The following RNF31 variants were observed in gnomAD, a reference collection of about 807,000 sequenced individuals.
RNF31 encodes E3 ubiquitin-protein ligase RNF31.
Under a neutral mutation model 133.6 loss-of-function variants are expected in RNF31, and 38 were observed. The observed-to-expected ratio is 0.28, with a 90% CI of 0.22 to 0.37. The LOEUF is 0.37. RNF31 is among the 10% of genes least tolerant of loss of function. The pLI is 1.00. For synonymous variants in RNF31, 582 were observed against 552.3 expected, an observed-to-expected ratio of 1.05 and a Z score of -0.75; for missense variants, 1,118 against 1,394.1, an observed-to-expected ratio of 0.80 and a Z score of 3.15.
At chr14:24,157,175 G>A in intron 14 of RNF31, 115 bp from the exon 15 acceptor site, 1 of 666,144 alleles carries the variant, frequency 1.5e-6, no homozygotes, top group Non-Finnish European at 2.6e-6. Context: ...GCAAATGGTA[G>A]GTGGCAGTGA....
At chr14:24,149,859 A>G (rs1263258290) in intron 6 of RNF31, among the ~76,000 whole-genome samples, 1 of 152,026 alleles carries the variant, frequency 6.6e-6, no homozygotes, top group East Asian at 1.9e-4. Context: ...GCCATGTGTT[A>G]GCAGTATCTA....
Position 24,160,112 on chromosome 14 carries a change from G to A in RNF31, c.2997-127G>A. On this transcript the variant is annotated intron_variant, in intron 19 of 20. Coordinates refer to ENST00000324103, the MANE Select transcript of RNF31 (RefSeq NM_017999.5). The surrounding 1 kb of genome is among the most constrained non-coding windows in gnomAD (Gnocchi z 4.0). ...TGGGCAAGGGCATGGGTAGATAGTAGCAGGCAGTGTGGGCACAGGTGGGTT... is the reference window on the plus strand; with the variant it reads ...TGGGCAAGGGCATGGGTAGATAGTAACAGGCAGTGTGGGCACAGGTGGGTT... The A allele has an allele frequency of 7.6e-7, 1 of 1,323,210 alleles. No homozygotes were observed. The highest frequency in any genetic ancestry group is 1.0e-6 in the Non-Finnish European group (1 of 953,574). The allele number at this position is 1,323,210 out of a possible 1,614,324, so 82.0% of individuals were successfully genotyped here. A position where few individuals can be genotyped will look rare whatever the true frequency, so the allele number is the denominator to read the frequency against.
At chr14:24,149,129 A>G (rs1282425043) in intron 5 of RNF31, 4 of 591,182 alleles carry the variant, frequency 6.8e-6, no homozygotes, top group East Asian at 2.9e-5. Context: ...GCGCTCGGCT[A>G]ATTTTGTATT....
intron 6 of RNF31, 93 bp downstream of exon 6, chr14:24,149,676 G>C: frequency 7.8e-7 from 1 of 1,280,258 alleles, no homozygotes. Context: ...GCTAAAGACT[G>C]TTTAATAGAG....
At chr14:24,149,820 CAAT>C (rs1171537348) in intron 6 of RNF31, among the ~76,000 whole-genome samples, 1 of 152,116 alleles carries the variant, frequency 6.6e-6, no homozygotes, top group Non-Finnish European at 1.5e-5. Context: ...AATCAGGTGG[CAAT>C]ATTTTAAACA....
At chr14:24,148,772 T>G (rs1566612396) in intron 4 of RNF31, 29 bp from the exon 5 acceptor site, 5 of 1,613,988 alleles carry the variant, frequency 3.1e-6, no homozygotes, top group Non-Finnish European at 4.2e-6. Context: ...CCCTAAACCC[T>G]TATTCATTCC....
intron 6 of RNF31, 119 bp from the exon 7 acceptor site, chr14:24,149,942 A>G: frequency 8.1e-7 from 1 of 1,241,696 alleles, no homozygotes; most frequent in South Asian, 1.5e-5. Context: ...TTCGAGACAG[A>G]CAATGTGTGC....
At chr14:24,159,423 A>G (rs1478736543) in intron 18 of RNF31, among the ~76,000 whole-genome samples, 1 of 151,438 alleles carries the variant, frequency 6.6e-6, no homozygotes, top group Non-Finnish European at 1.5e-5. Context: ...CCATAATCCC[A>G]GCACTTTGGG....
Position 24,158,021 on chromosome 14 carries a change from G to T in RNF31, c.2841+10G>T. On this transcript the variant is annotated intron_variant, in intron 17 of 20. Coordinates refer to ENST00000324103, the MANE Select transcript of RNF31 (RefSeq NM_017999.5). ...TCAGAAGCTGCTACAGGTCAGAGGT[G>T]GCCAGGAGAGAAGAAGACAGGGCCC... is the stretch of plus-strand genomic sequence containing the variant. 6.2e-7 allele frequency: 1 copy of T among 1,613,604 alleles called. No homozygotes were observed. Among genetic ancestry groups the T allele is most frequent in the Non-Finnish European group, 8.5e-7 (1 of 1,179,596 alleles).
intron 5 of RNF31, 140 bp downstream of exon 5, chr14:24,149,016 T>C: frequency 1.2e-6 from 1 of 820,670 alleles, no homozygotes; most frequent in Non-Finnish European, 2.0e-6. Flanking sequence ...CAGGCTGGAG[T>C]GCAATGGTGC....
chr14:24,148,963 T>G lies in RNF31; in HGVS notation c.631+87T>G, dbSNP rs1056846126. On this transcript the variant is annotated intron_variant, in intron 5 of 20. Coordinates refer to ENST00000324103, the MANE Select transcript of RNF31 (RefSeq NM_017999.5). ...TCCTCTGTCTTCTTGGTTATCTTCC[T>G]TTGTGTTTGTTTGTTTTGAGACGGA... The G allele has an allele frequency of 6.0e-6, 7 of 1,162,420 alleles. No individual in the cohort carries two copies. In the African/African-American group the frequency reaches 1.1e-4, roughly 18 times the overall value. 72.0% of individuals were successfully genotyped at this position (1,162,420 alleles called of 1,614,324 possible). A position where few individuals can be genotyped will look rare whatever the true frequency, so the allele number is the denominator to read the frequency against.
chr14:24,160,615 C>A lies in RNF31; in HGVS notation c.*42C>A. The A allele has an allele frequency of 6.9e-7, 1 of 1,459,242 alleles. No individual in the cohort carries two copies. 90.4% of individuals were successfully genotyped at this position (1,459,242 alleles called of 1,614,324 possible). A position where few individuals can be genotyped will look rare whatever the true frequency, so the allele number is the denominator to read the frequency against. ...CGATGAGGGTCCCATGGCCTGCTCC[C>A]TCAGGAACAGCTCCAGCACCAATAA... On this transcript the variant is annotated 3_prime_UTR_variant, in exon 21 of 21. Coordinates refer to ENST00000324103, the MANE Select transcript of RNF31 (RefSeq NM_017999.5). The surrounding 1 kb of genome is among the most constrained non-coding windows in gnomAD (Gnocchi z 4.0).
rs748240492 is a variant in RNF31 at position 24,147,904 on chromosome 14, C to G, written c.192+14C>G. On this transcript the variant is annotated intron_variant, in intron 1 of 20. Transcript: ENST00000324103. ...GCTCATGGGGAGGTGAGGCCCGGCC[C>G]CGCTTGGAAGGGGGACACCAGGGCC... 6.2e-6 allele frequency: 10 copies of G among 1,612,474 alleles called. No individual in the cohort carries two copies. The highest frequency in any genetic ancestry group is 1.7e-4 in the Middle Eastern group (1 of 6,060).
rs73604911 is a variant in RNF31 at position 24,150,421 on chromosome 14, T to C, written c.1170T>C (p.Asp390=). The change falls in exon 7 of 21, where the codon GAT becomes GAC. Residue 390 remains aspartate, a synonymous_variant. Coordinates refer to ENST00000324103, the MANE Select transcript of RNF31 (RefSeq NM_017999.5). ...CCAGCTTGGTGGTGGATTCCCGAGA[T>C]GCTGGCATTTGCCTGCAACCCCTTC... ...QPPSLVVDSR[D]AGICLQPLQQ... The C allele has an allele frequency of 2.0e-3, 3,181 of 1,611,760 alleles. 61 individuals carry two copies. The African/African-American group carries it at 0.037, about 19-fold the overall frequency.
chr14:24,155,836 G>A lies in RNF31; in HGVS notation c.2493+144G>A. ...CTTACAGACTACTCAGAAAGACTAG[G>A]CACAAGGAGAAAGGGAAGCAGAGGG... is the stretch of plus-strand genomic sequence containing the variant. On this transcript the variant is annotated intron_variant, in intron 14 of 20. Transcript: ENST00000324103. This position sits in a 1 kb window ranked among gnomAD's most constrained non-coding sequence, Gnocchi z 4.9. 2 of 660,032 alleles carry A rather than the reference G, an allele frequency of 3.0e-6. No individual in the cohort carries two copies. Among genetic ancestry groups the A allele is most frequent in the Middle Eastern group, 6.6e-4 (2 of 3,024 alleles). The allele number at this position is 660,032 out of a possible 1,614,324, so 40.9% of individuals were successfully genotyped here.
chr14:24,151,118 G>A lies in RNF31; in HGVS notation c.1489-13G>A. On this transcript the variant is annotated splice_polypyrimidine_tract_variant and intron_variant, in intron 8 of 20. Coordinates refer to ENST00000324103, the MANE Select transcript of RNF31 (RefSeq NM_017999.5). The surrounding 1 kb of genome is among the most constrained non-coding windows in gnomAD (Gnocchi z 5.3). ...GAAGGGTGCCCCTCCTGATGGGCGG[G>A]ACTGTGCCTTAGGAAGGGGAAGCCG... The A allele has an allele frequency of 2.5e-6, 4 of 1,612,972 alleles. No individual in the cohort carries two copies. Among genetic ancestry groups the A allele is most frequent in the Non-Finnish European group, 2.5e-6 (3 of 1,179,408 alleles).
chr14:24,153,333 C>G (rs2038296554), intron 11 of RNF31, among the ~76,000 whole-genome samples: 1 of 152,138 alleles, frequency 6.6e-6, no homozygotes, highest in South Asian at 2.1e-4. Context: ...CATCCCTGCA[C>G]TTTGGGAGGC....
At position 24,151,627 on chromosome 14, in the gene RNF31, G is replaced by T; in HGVS notation, c.1880G>T (p.Ser627Ile). ...CCCTTCCGCCAGCGCCTCTGGGACA[G>T]TGGCCCTGAGCCCACCCCTTCCTGG... Reference protein sequence around the residue: ...LEPFRQRLWDSGPEPTPSWDG... With the variant: ...LEPFRQRLWDIGPEPTPSWDG... The change falls in exon 10 of 21, where the codon AGT becomes ATT. Residue 627 changes from serine (S) to isoleucine (I), a missense_variant. Ser to Ile is a moderately radical substitution (Grantham distance 142). Transcript: ENST00000324103. This position sits in a 1 kb window ranked among gnomAD's most constrained non-coding sequence, Gnocchi z 5.3. 6.2e-7 allele frequency: 1 copy of T among 1,613,052 alleles called. No homozygotes were observed. Among genetic ancestry groups the T allele is most frequent in the East Asian group, 2.2e-5 (1 of 44,876 alleles).
In RNF31 at chr14:24,147,688, C is replaced by T; in HGVS notation, c.-11C>T. The T allele has an allele frequency of 6.7e-7, 1 of 1,485,408 alleles. No homozygotes were observed. The highest frequency in any genetic ancestry group is 1.4e-5 in the African/African-American group (1 of 70,542). The allele number at this position is 1,485,408 out of a possible 1,614,324, so 92.0% of individuals were successfully genotyped here. A position where few individuals can be genotyped will look rare whatever the true frequency, so the allele number is the denominator to read the frequency against. On this transcript the variant is annotated 5_prime_UTR_variant, in exon 1 of 21. Coordinates refer to ENST00000324103, the MANE Select transcript of RNF31 (RefSeq NM_017999.5). ...GCGGGCGGCGAGGCTGGGGCTGACTCCTGCCTCAGGATGCCGGGGGAGGAA... is the reference window on the plus strand; with the variant it reads ...GCGGGCGGCGAGGCTGGGGCTGACTTCTGCCTCAGGATGCCGGGGGAGGAA...
Sources: allele counts gnomAD v4.1 joint callset (sites outside exome capture counted in the v4.1 genomes callset), GRCh38; gene constraint gnomAD v4.1.1; non-coding constraint Gnocchi (gnomAD v3.1); transcripts MANE v1.5; gene names NCBI Gene and HGNC (gene_info 2026-07-23, HGNC 2026-07-21).